Variants in TJP2 observed in about 807,000 individuals in gnomAD.
TJP2 encodes the protein Friedreich ataxia region gene X104 (tight junction protein ZO-2).
A neutral mutation model predicts 133.1 loss-of-function variants in TJP2; 91 were observed. That is an observed-to-expected ratio of 0.68 (90% CI 0.58 to 0.81). The LOEUF (loss-of-function observed/expected upper bound fraction) is 0.81. Among genes scored for constraint, TJP2 ranks in the 40% least tolerant of loss-of-function variants. The pLI is 0.00. For synonymous variants in TJP2, 592 were observed against 583.4 expected (o/e 1.01, Z -0.21); for missense variants, 1,541 against 1,565.6 (o/e 0.98, Z 0.26).
chr9:69,174,185 T>C, upstream of TJP2: 1 of 1,366,642 alleles, frequency 7.3e-7, no homozygotes, highest in Non-Finnish European at 9.4e-7. Flanking sequence ...CACGCTCGGG[T>C]CGGGGGCGGG....
chr9:69,216,953 C>G (rs909402197), intron 3 of TJP2, among the ~76,000 whole-genome samples: 8 of 151,348 alleles, frequency 5.3e-5, no homozygotes, highest in Non-Finnish European at 5.9e-5. Context: ...AGAAGTAACA[C>G]CATTTTATTT....
At chr9:69,251,630 G>A (rs1227622307) in intron 21 of TJP2, among the ~76,000 whole-genome samples, 2 of 152,088 alleles carry the variant, frequency 1.3e-5, no homozygotes, top group East Asian at 1.9e-4. Flanking sequence ...GGAAGTGTGA[G>A]GAGGGAATCA....
intron 1 of TJP2, chr9:69,121,782 G>C (rs1822154980): frequency 6.6e-6 from 1 of 152,356 alleles, no homozygotes; most frequent in South Asian, 2.1e-4. Context: ...CGCACGCCCC[G>C]GGAGAGCCGC....
At position 69,127,432 on chromosome 9, in the gene TJP2, A is replaced by G. The variant is rs1468237640; in HGVS notation, c.-131+5707A>G. On this transcript the variant is annotated intron_variant, in intron 1 of 5. Coordinates refer to the TJP2 transcript ENST00000423935. ...TAGCTGGGCATGGTAGTTTATGCCT[A>G]TAGTCCCAGCTACTCAGGAGGCTGA... Among the ~76,000 whole-genome samples, 2 of 75,994 alleles carry G rather than the reference A, an allele frequency of 2.6e-5. 1 individual carries two copies. The highest frequency in any genetic ancestry group is 8.0e-4 in the East Asian group (2 of 2,506). 49.9% of individuals were successfully genotyped at this position (75,994 alleles called of 152,430 possible).
chr9:69,220,037 G>A (rs1034162196), intron 4 of TJP2, among the ~76,000 whole-genome samples: 1 of 152,168 alleles, frequency 6.6e-6, no homozygotes. Context: ...TGTAATCCCA[G>A]CTATCGGGAG....
chr9:69,173,603 C>A (rs570000236), upstream of TJP2, among the ~76,000 whole-genome samples: 1 of 152,226 alleles, frequency 6.6e-6, no homozygotes, highest in South Asian at 2.1e-4. Flanking sequence ...ATCTTATAAC[C>A]CTCGGAATTC....
At position 69,124,538 on chromosome 9, in the gene TJP2, C is replaced by T. The variant is rs1311234364; in HGVS notation, c.-131+2813C>T. 3.9e-5 allele frequency among the ~76,000 whole-genome samples: 3 copies of T among 76,722 alleles called. 1 individual carries two copies. Among genetic ancestry groups the T allele is most frequent in the African/African-American group, 1.2e-4 (3 of 25,158 alleles). The allele number at this position is 76,722 out of a possible 152,430, so 50.3% of individuals were successfully genotyped here. On this transcript the variant is annotated intron_variant, in intron 1 of 5. Coordinates refer to the TJP2 transcript ENST00000423935. ...TTGACCCTTGCCTCTTCTTGTGTTA[C>T]GACTTTCATCACAATGAGGTTATCA...
In TJP2 at chr9:69,174,377, C is replaced by T. The variant is rs369175124; in HGVS notation, c.5C>T (p.Pro2Leu). ...TACGCGGGACCTGTGTCCGAAATGC[C>T]GGTGCGAGGAGACCGCGGGTTTCCA... The part of the protein sequence containing the change: M[P>L]VRGDRGFPPR... The change falls in exon 1 of 23, where the codon CCG (proline) becomes CTG (leucine). Residue 2 changes from proline (P) to leucine (L), a missense_variant. Physicochemically the swap from Pro to Leu is moderately conservative, Grantham distance 98 (BLOSUM62 -3). Transcript: ENST00000377245. 2.6e-6 allele frequency: 4 copies of T among 1,551,770 alleles called. No homozygotes were observed. Among genetic ancestry groups the T allele is most frequent in the African/African-American group, 1.4e-5 (1 of 73,136 alleles).
At chr9:69,193,684 T>C (rs1194008294) in intron 1 of TJP2, among the ~76,000 whole-genome samples, 1 of 149,998 alleles carries the variant, frequency 6.7e-6, no homozygotes, top group Admixed American at 6.7e-5. Flanking sequence ...AACTTTTTTT[T>C]TTTTTTTATA....
At chr9:69,130,990 C>T (rs1420199962) in intron 1 of TJP2, among the ~76,000 whole-genome samples, 1 of 152,134 alleles carries the variant, frequency 6.6e-6, no homozygotes, top group African/African-American at 2.4e-5. Flanking sequence ...GGGCAGCATC[C>T]CCGGGCAGTG....
In TJP2 at chr9:69,229,263, G is replaced by A. The variant is rs759291596; in HGVS notation, c.1520+13G>A. ...AAGCAATATATGGGTATGTATTTCC[G>A]TCTCTCTTTGTTTTCCCTTCTTCCT... On this transcript the variant is annotated intron_variant, in intron 10 of 22. Coordinates refer to ENST00000377245, the MANE Select transcript of TJP2 (RefSeq NM_004817.4). 3.5e-5 allele frequency: 56 copies of A among 1,611,144 alleles called. No homozygotes were observed. The highest frequency in any genetic ancestry group is 1.9e-4 in the South Asian group (17 of 91,010).
At chr9:69,235,468 G>A (rs1016098173) in intron 12 of TJP2, among the ~76,000 whole-genome samples, 38 of 151,950 alleles carry the variant, frequency 2.5e-4, no homozygotes, top group African/African-American at 8.2e-4. Flanking sequence ...GACTACAGGC[G>A]CCCACCACCA....
intron 18 of TJP2, among the ~76,000 whole-genome samples, chr9:69,247,456 C>T (rs965966316): frequency 6.6e-6 from 1 of 152,204 alleles, no homozygotes; most frequent in Non-Finnish European, 1.5e-5. Context: ...TTGACAGTGA[C>T]TATTTTGTTG....
intron 1 of TJP2, among the ~76,000 whole-genome samples, chr9:69,202,518 T>C (rs990377759): frequency 3.3e-5 from 5 of 152,218 alleles, no homozygotes; most frequent in African/African-American, 4.8e-5. Flanking sequence ...ACTTAACTAA[T>C]AGCTTGCTGT....
In TJP2 at chr9:69,206,145, A is replaced by G. The variant is rs908405159; in HGVS notation, c.61-6403A>G. On this transcript the variant is annotated intron_variant, in intron 1 of 22. Coordinates refer to ENST00000377245, the MANE Select transcript of TJP2 (RefSeq NM_004817.4). ...AGGTCTTAAGAATGACCTGTTAGAT[A>G]TAAAGGGGGTTGTCATGAACACTAC... Among the ~76,000 whole-genome samples, 7 of 152,216 alleles carry G rather than the reference A, an allele frequency of 4.6e-5. No homozygotes were observed. The South Asian group carries it at 1.5e-3, about 32-fold the overall frequency.
In TJP2 at chr9:69,238,848, A is replaced by C. The variant is rs1390844815; in HGVS notation, c.2355+59A>C. 2.2e-5 allele frequency: 30 copies of C among 1,362,510 alleles called. No homozygotes were observed. The Admixed American group carries it at 5.3e-4, about 24-fold the overall frequency. The allele number at this position is 1,362,510 out of a possible 1,614,324, so 84.4% of individuals were successfully genotyped here. A position where few individuals can be genotyped will look rare whatever the true frequency, so the allele number is the denominator to read the frequency against. On this transcript the variant is annotated intron_variant, in intron 16 of 22. Transcript: ENST00000377245. ...AAAGAATTAGATTATGGTTTGCTGC[A>C]GTCACTTTTAGGATAGTATCTGTAC...
At chr9:69,226,414 G>T (rs1829355367) in intron 7 of TJP2, among the ~76,000 whole-genome samples, 1 of 152,112 alleles carries the variant, frequency 6.6e-6, no homozygotes. Context: ...TATTAATTAG[G>T]CAATTGAAAG....
intron 1 of TJP2, among the ~76,000 whole-genome samples, chr9:69,149,948 G>C (rs1823388918): frequency 6.6e-6 from 1 of 152,014 alleles, no homozygotes; most frequent in Non-Finnish European, 1.5e-5. Context: ...TCAGGAGTTC[G>C]ACACCAGCCG....
intron 1 of TJP2, among the ~76,000 whole-genome samples, chr9:69,208,498 T>A (rs1827610716): frequency 6.6e-6 from 1 of 152,228 alleles, no homozygotes; most frequent in South Asian, 2.1e-4. Flanking sequence ...ATTGAAGGGC[T>A]GTGAATTTCA....
Sources: allele counts gnomAD v4.1 joint callset (sites outside exome capture counted in the v4.1 genomes callset), GRCh38; gene constraint gnomAD v4.1.1; transcripts MANE v1.5; gene names NCBI Gene and HGNC (gene_info 2026-07-23, HGNC 2026-07-21).